Variants in TENM2 observed in about 807,000 individuals in gnomAD.
The protein encoded by TENM2 is teneurin transmembrane protein 2.
In TENM2, 52 loss-of-function variants were observed where a neutral mutation model predicts 245.2. The ratio of observed to expected loss-of-function variants is 0.21; its 90% CI spans 0.17 to 0.27. TENM2 has a LOEUF of 0.27. TENM2 is among the 10% of genes least tolerant of loss of function. TENM2 has a pLI of 1.00. For synonymous variants in TENM2, 1,363 were observed against 1,438.9 expected (o/e 0.95, Z 1.19); for missense variants, 3,046 against 3,666.8 (o/e 0.83, Z 4.37).
intron 25 of TENM2, chr5:168,232,421 A>G (rs1331000316): frequency 6.6e-6 from 1 of 152,148 alleles, no homozygotes; most frequent in Non-Finnish European, 1.5e-5. Context: ...GAGATGTAAG[A>G]TTCTGGTGGC....
chr5:167,334,371 T>C (rs1757636899), intron 1 of TENM2, among the ~76,000 whole-genome samples: 1 of 152,236 alleles, frequency 6.6e-6, no homozygotes, highest in Admixed American at 6.5e-5. Context: ...CCTTCAATGT[T>C]CCTGTTGAAA....
intron 13 of TENM2, among the ~76,000 whole-genome samples, chr5:168,167,880 T>A (rs565094241): frequency 6.6e-6 from 1 of 152,326 alleles, no homozygotes; most frequent in South Asian, 2.1e-4. Context: ...AGAAAATGCA[T>A]GTGATGTATT....
intron 2 of TENM2, among the ~76,000 whole-genome samples, chr5:167,622,591 G>T (rs1778247184): frequency 6.6e-6 from 1 of 152,084 alleles, no homozygotes; most frequent in African/African-American, 2.4e-5. Flanking sequence ...CAGAGGAAAA[G>T]AATCAACATT....
chr5:168,202,700 G>A (rs1452845952), intron 17 of TENM2, among the ~76,000 whole-genome samples: 1 of 151,708 alleles, frequency 6.6e-6, no homozygotes, highest in Non-Finnish European at 1.5e-5. Context: ...GACAAGCTAG[G>A]AAATACATAG....
At chr5:167,670,191 G>A (rs534062762) in intron 2 of TENM2, among the ~76,000 whole-genome samples, 9 of 152,202 alleles carry the variant, frequency 5.9e-5, no homozygotes, top group African/African-American at 2.2e-4. Context: ...TTGAGAATTT[G>A]GTTTTAGATG....
At chr5:167,364,880 C>T (rs1003099503) in intron 1 of TENM2, among the ~76,000 whole-genome samples, 10 of 152,014 alleles carry the variant, frequency 6.6e-5, no homozygotes, top group Admixed American at 2.0e-4. Flanking sequence ...AGATTTAACT[C>T]TTTTCTCAGT....
At chr5:168,059,667 A>G (rs35613923) in intron 6 of TENM2, among the ~76,000 whole-genome samples, 27,358 of 151,830 alleles carry the variant, frequency 0.18, 2,708 homozygotes, top group South Asian at 0.29. Context: ...AGGAAGGGGT[A>G]TCAAATGCAG....
chr5:167,386,486 T>C (rs1312386324), intron 2 of TENM2, among the ~76,000 whole-genome samples: 2 of 152,126 alleles, frequency 1.3e-5, no homozygotes, highest in Non-Finnish European at 2.9e-5. Flanking sequence ...TCTGCTGACT[T>C]TTCCTTTTGC....
At chr5:167,184,219 A>G in the TENM2 span, among the ~76,000 whole-genome samples, 1 of 152,204 alleles carries the variant, frequency 6.6e-6, no homozygotes, top group Non-Finnish European at 1.5e-5. Context: ...GGGGAAGAGC[A>G]TGAGGTGAGG....
intron 1 of TENM2, among the ~76,000 whole-genome samples, chr5:167,362,410 G>A (rs1759773457): frequency 6.6e-6 from 1 of 152,040 alleles, no homozygotes; most frequent in African/African-American, 2.4e-5. Flanking sequence ...TCTAATATAC[G>A]GTGTGATTAC....
At chr5:168,238,069 C>T (rs1000421786) in intron 25 of TENM2, among the ~76,000 whole-genome samples, 6 of 149,550 alleles carry the variant, frequency 4.0e-5, no homozygotes, top group African/African-American at 9.9e-5. Flanking sequence ...GGTGTGAACC[C>T]GGGAGGTGGA....
At chr5:167,405,660 G>C (rs183685119) in intron 2 of TENM2, among the ~76,000 whole-genome samples, 2 of 151,792 alleles carry the variant, frequency 1.3e-5, no homozygotes, top group Admixed American at 1.3e-4. Flanking sequence ...AGCTCCATGA[G>C]AACTGTTTCT....
chr5:167,845,596 A>C (rs1014833928), intron 2 of TENM2, among the ~76,000 whole-genome samples: 1 of 152,162 alleles, frequency 6.6e-6, no homozygotes, highest in Non-Finnish European at 1.5e-5. Flanking sequence ...CATATGGAAT[A>C]AAATATGGGA....
chr5:167,667,238 A>C (rs112094613), intron 2 of TENM2, among the ~76,000 whole-genome samples: 25 of 152,220 alleles, frequency 1.6e-4, no homozygotes, highest in African/African-American at 6.0e-4. Flanking sequence ...ATAGTTCACA[A>C]TGCCTTTGAG....
chr5:167,167,107 T>C, the TENM2 span, among the ~76,000 whole-genome samples: 260 of 152,164 alleles, frequency 1.7e-3, no homozygotes, highest in African/African-American at 5.7e-3. Flanking sequence ...TCTAGGGAGG[T>C]AGAATGACAA....
At chr5:167,524,525 A>G (rs1166991899) in intron 2 of TENM2, among the ~76,000 whole-genome samples, 1 of 152,096 alleles carries the variant, frequency 6.6e-6, no homozygotes, top group African/African-American at 2.4e-5. Context: ...TGTGTGTACC[A>G]TTCACCTAAG....
At chr5:167,295,458 C>A (rs1289782700) in intron 1 of TENM2, among the ~76,000 whole-genome samples, 1 of 152,136 alleles carries the variant, frequency 6.6e-6, no homozygotes, top group Admixed American at 6.5e-5. Context: ...GTGATCTGTG[C>A]AGGGATGCCT....
intron 1 of TENM2, among the ~76,000 whole-genome samples, chr5:167,325,712 A>G (rs1384707948): frequency 2.0e-5 from 3 of 152,222 alleles, no homozygotes; most frequent in African/African-American, 2.4e-5. Context: ...TATTTTAATT[A>G]TGTACATATT....
intron 2 of TENM2, among the ~76,000 whole-genome samples, chr5:167,840,163 C>T (rs1376764774): frequency 1.3e-5 from 2 of 152,168 alleles, no homozygotes; most frequent in Non-Finnish European, 2.9e-5. Flanking sequence ...ATGCTTTGCC[C>T]ATAAGGAAGG....
Sources: gnomAD v4.1 joint callset for allele counts (sites outside exome capture counted in the v4.1 genomes callset) on GRCh38, gnomAD v4.1.1 for gene constraint, MANE v1.5 for transcripts, NCBI Gene and HGNC (gene_info 2026-07-23, HGNC 2026-07-21) for gene names.